The following NUS1 variants were observed in gnomAD, a reference collection of about 807,000 sequenced individuals.
NUS1 encodes dehydrodolichyl diphosphate synthase complex subunit NUS1.
For missense variants in NUS1, 292 were observed against 382.9 expected (o/e 0.76, Z 1.98); for synonymous variants, 135 against 155.2 (o/e 0.87, Z 0.97).
chr6:117,681,291 A>G (rs1191536527), intron 1 of NUS1, among the ~76,000 whole-genome samples: 1 of 152,226 alleles, frequency 6.6e-6, no homozygotes, highest in Non-Finnish European at 1.5e-5. Context: ...CTTTCTTACT[A>G]GATTATAAGC....
intron 1 of NUS1, among the ~76,000 whole-genome samples, chr6:117,684,583 C>T (rs1455908026): frequency 6.6e-6 from 1 of 152,050 alleles, no homozygotes; most frequent in Non-Finnish European, 1.5e-5. Context: ...TGAATAAAAC[C>T]CTCCAACAGC....
chr6:117,692,953 TG>T, intron 1 of NUS1, 88 bp from the exon 2 acceptor site: 1 of 1,060,412 alleles, frequency 9.4e-7, no homozygotes, highest in Non-Finnish European at 1.4e-6. Context: ...CGTTTAGTTC[TG>T]GATCTAGTGT....
intron 1 of NUS1, among the ~76,000 whole-genome samples, chr6:117,689,562 T>TG (rs1773186447): frequency 7.4e-6 from 1 of 135,136 alleles, no homozygotes; most frequent in South Asian, 2.6e-4. Context: ...TTGTTTTTTG[T>TG]TTTTTTTTGT....
chr6:117,679,615 TG>T (rs1460960141), intron 1 of NUS1, among the ~76,000 whole-genome samples: 1 of 152,204 alleles, frequency 6.6e-6, no homozygotes, highest in Non-Finnish European at 1.5e-5. Flanking sequence ...TCCTTATGTC[TG>T]GTGCCTGGTT....
rs1773461336 is a variant in NUS1 at position 117,703,720 on chromosome 6, CG to C, written c.791+17del. ...CTGAGATTGTGTAAGTAATTAAAAG[CG>C]TACTGACTTTGTTTAGATTCAGCAA... On this transcript the variant is annotated intron_variant, in intron 4 of 4. Coordinates refer to ENST00000368494, the MANE Select transcript of NUS1 (RefSeq NM_138459.5). 1 of 1,552,832 alleles carries C rather than the reference CG, an allele frequency of 6.4e-7. No individual in the cohort carries two copies. Among genetic ancestry groups the C allele is most frequent in the East Asian group, 2.2e-5 (1 of 44,568 alleles).
intron 1 of NUS1, among the ~76,000 whole-genome samples, chr6:117,687,942 C>T (rs192599289): frequency 6.6e-6 from 1 of 152,210 alleles, no homozygotes; most frequent in South Asian, 2.1e-4. Context: ...TAGGCTGGGC[C>T]GGTTGCTCAT....
intron 3 of NUS1, among the ~76,000 whole-genome samples, chr6:117,698,333 G>A (rs909330474): frequency 4.6e-5 from 7 of 152,134 alleles, no homozygotes; most frequent in Admixed American, 6.5e-5. Context: ...AGATGGAAAG[G>A]AGATACTGCA....
intron 1 of NUS1, among the ~76,000 whole-genome samples, chr6:117,680,085 A>T (rs2114677735): frequency 6.6e-6 from 1 of 152,280 alleles, no homozygotes; most frequent in Non-Finnish European, 1.5e-5. Flanking sequence ...TATTATATTG[A>T]CCTTAATTTG....
At chr6:117,701,145 A>C (rs1210234891) in intron 3 of NUS1, among the ~76,000 whole-genome samples, 1 of 151,776 alleles carries the variant, frequency 6.6e-6, no homozygotes, top group Non-Finnish European at 1.5e-5. Flanking sequence ...GATTGAATTG[A>C]ATCTATAGCT....
intron 1 of NUS1, among the ~76,000 whole-genome samples, chr6:117,684,007 T>C (rs72969285): frequency 0.053 from 8,047 of 152,336 alleles, 222 homozygotes; most frequent in Middle Eastern, 0.12. Flanking sequence ...TAACTTCTAC[T>C]CTACTCTGTT....
At chr6:117,695,636 C>T (rs1442467475) in intron 3 of NUS1, among the ~76,000 whole-genome samples, 1 of 152,188 alleles carries the variant, frequency 6.6e-6, no homozygotes, top group Non-Finnish European at 1.5e-5. Flanking sequence ...AAAATGTACA[C>T]AATTCTTAAC....
intron 1 of NUS1, among the ~76,000 whole-genome samples, chr6:117,691,020 C>T (rs577809038): frequency 2.8e-4 from 42 of 149,064 alleles, no homozygotes; most frequent in African/African-American, 1.0e-3. Flanking sequence ...TTTTCTGCTA[C>T]CTAGGATAAA....
chr6:117,697,713 G>C (rs1773341225), intron 3 of NUS1, among the ~76,000 whole-genome samples: 1 of 151,980 alleles, frequency 6.6e-6, no homozygotes, highest in African/African-American at 2.4e-5. Context: ...TACAATAATA[G>C]CTGGAGACTT....
At chr6:117,697,812 T>G (rs1240511084) in intron 3 of NUS1, among the ~76,000 whole-genome samples, 1 of 152,130 alleles carries the variant, frequency 6.6e-6, no homozygotes, top group African/African-American at 2.4e-5. Context: ...CAAATGGATC[T>G]AATAGATATT....
intron 1 of NUS1, among the ~76,000 whole-genome samples, chr6:117,687,421 G>A (rs1326515177): frequency 1.3e-5 from 2 of 152,184 alleles, no homozygotes; most frequent in African/African-American, 4.8e-5. Flanking sequence ...AGAGATTTAA[G>A]CTATAATAAA....
Position 117,675,874 on chromosome 6 carries a change from C to T in NUS1, c.204C>T (p.His68=), listed in dbSNP as rs1431408978. 1.0e-5 allele frequency: 16 copies of T among 1,532,968 alleles called. No individual in the cohort carries two copies. Among genetic ancestry groups the T allele is most frequent in the Admixed American group, 1.0e-4 (5 of 50,108 alleles). 95.0% of individuals were successfully genotyped at this position (1,532,968 alleles called of 1,614,324 possible). A position where few individuals can be genotyped will look rare whatever the true frequency, so the allele number is the denominator to read the frequency against. The change falls in exon 1 of 5, where the codon CAC becomes CAT. Residue 68 remains histidine, a synonymous_variant. Coordinates refer to ENST00000368494, the MANE Select transcript of NUS1 (RefSeq NM_138459.5). ...CGGCAGTCGGCAGGAACCGCCGTCA[C>T]CACCGGCACCCGCGCGGGGGGTCGT... is the stretch of plus-strand genomic sequence containing the variant. ...KPPAVGRNRR[H]HRHPRGGSCL...
intron 1 of NUS1, among the ~76,000 whole-genome samples, chr6:117,681,206 A>G (rs556636712): frequency 6.6e-6 from 1 of 152,326 alleles, no homozygotes; most frequent in South Asian, 2.1e-4. Context: ...GAATCTCCTC[A>G]GAACTTCAAA....
rs1035498540 is a variant in NUS1, at chr6:117,691,562, T to TAGATATAG, written c.416-1479_416-1478insGATATAGA. On this transcript the variant is annotated intron_variant, in intron 1 of 4. Transcript: ENST00000368494. ...AGGTTCTGTGCCATAGATATAGATA[T>TAGATATAG]ATATATATATATATATATATATATA... is the stretch of plus-strand genomic sequence containing the variant. Among the ~76,000 whole-genome samples, 3 of 12,890 alleles carry TAGATATAG rather than the reference T, an allele frequency of 2.3e-4. No individual in the cohort carries two copies. The South Asian group carries it at 9.6e-3, about 41-fold the overall frequency. The allele number at this position is 12,890 out of a possible 152,430, so 8.5% of individuals were successfully genotyped here.
chr6:117,686,932 A>C (rs1453466642), intron 1 of NUS1, among the ~76,000 whole-genome samples: 1 of 151,042 alleles, frequency 6.6e-6, no homozygotes, highest in Non-Finnish European at 1.5e-5. Context: ...CTGTAAGCTG[A>C]TAATATTGCT....
Sources: gnomAD v4.1 joint callset for allele counts (sites outside exome capture counted in the v4.1 genomes callset) on GRCh38, gnomAD v4.1.1 for gene constraint, MANE v1.5 for transcripts, NCBI Gene and HGNC (gene_info 2026-07-23, HGNC 2026-07-21) for gene names.